Variants in ELP4 observed in about 807,000 individuals in gnomAD.
ELP4 encodes elongator acetyltransferase complex subunit 4.
ELP4 carries 51 observed loss-of-function variants against 48.9 expected under a neutral mutation model. The ratio of observed to expected loss-of-function variants is 1.04; its 90% CI spans 0.83 to 1.32. The LOEUF is 1.32. Among genes scored for constraint, ELP4 ranks in the 40% most tolerant of loss-of-function variants. The probability of loss-of-function intolerance (pLI) is 0.00; values close to 1 mark genes in which losing one functional copy is unlikely to be tolerated. For missense variants in ELP4, 519 were observed against 514.6 expected (o/e 1.01, Z -0.08); for synonymous variants, 210 against 189.2 (o/e 1.11, Z -0.90).
At chr11:31,706,885 C>T in intron 9 of ELP4, 1 of 395,094 alleles carries the variant, frequency 2.5e-6, no homozygotes, top group Non-Finnish European at 4.5e-6. Context: ...CCTCCAGTTC[C>T]ATCCACATTG....
chr11:31,772,431 CT>C (rs200118102), intron 9 of ELP4, among the ~76,000 whole-genome samples: 2 of 152,040 alleles, frequency 1.3e-5, no homozygotes, highest in Admixed American at 6.6e-5. Flanking sequence ...AAATTATCTT[CT>C]TTTTTTTGTT....
intron 3 of ELP4, among the ~76,000 whole-genome samples, chr11:31,563,254 T>A (rs2133945105): frequency 6.6e-6 from 1 of 152,266 alleles, no homozygotes; most frequent in African/African-American, 2.4e-5. Flanking sequence ...AGGAGTATGA[T>A]GCCCATAGTT....
At chr11:31,779,649 T>C (rs1476555884) in intron 9 of ELP4, 1 of 152,202 alleles carries the variant, frequency 6.6e-6, no homozygotes, top group African/African-American at 2.4e-5. Flanking sequence ...AAGGGTGCCT[T>C]TTGGCAGGAG....
chr11:31,589,465 C>T (rs1957534035), intron 3 of ELP4, among the ~76,000 whole-genome samples: 1 of 152,034 alleles, frequency 6.6e-6, no homozygotes, highest in African/African-American at 2.4e-5. Flanking sequence ...CATCTAGTGC[C>T]TCTTTTATGT....
At chr11:31,777,962 A>G (rs7125204) in intron 9 of ELP4, among the ~76,000 whole-genome samples, 45,437 of 152,118 alleles carry the variant, frequency 0.3, 6,972 homozygotes, top group South Asian at 0.47. Context: ...AGATGAGTAT[A>G]TCATCCTGCA....
chr11:31,579,545 C>T (rs1022919795), intron 3 of ELP4, among the ~76,000 whole-genome samples: 2 of 152,044 alleles, frequency 1.3e-5, no homozygotes, highest in African/African-American at 4.8e-5. Flanking sequence ...CAGATGTCCA[C>T]CAATGATAGA....
intron 9 of ELP4, among the ~76,000 whole-genome samples, chr11:31,758,722 A>G (rs1466199247): frequency 6.7e-6 from 1 of 149,540 alleles, no homozygotes; most frequent in Non-Finnish European, 1.5e-5. Flanking sequence ...GCTTGAGTAC[A>G]GTGGTGCAGT....
chr11:31,658,753 A>G (rs1384576922), intron 9 of ELP4, among the ~76,000 whole-genome samples: 3 of 151,982 alleles, frequency 2.0e-5, no homozygotes, highest in Admixed American at 6.6e-5. Context: ...CGGAGCATCA[A>G]AAATTATCCT....
At chr11:31,574,539 G>A (rs893778476) in intron 3 of ELP4, among the ~76,000 whole-genome samples, 1 of 152,182 alleles carries the variant, frequency 6.6e-6, no homozygotes, top group African/African-American at 2.4e-5. Context: ...CTCCCAGTAG[G>A]GGCTGACTGA....
intron 9 of ELP4, among the ~76,000 whole-genome samples, chr11:31,777,961 T>C (rs1327812924): frequency 1.3e-5 from 2 of 152,194 alleles, no homozygotes; most frequent in Non-Finnish European, 2.9e-5. Context: ...GAGATGAGTA[T>C]ATCATCCTGC....
At chr11:31,539,569 A>G in intron 2 of ELP4, 93 bp from the exon 3 acceptor site, 3 of 1,337,492 alleles carry the variant, frequency 2.2e-6, no homozygotes, top group South Asian at 3.3e-5. Flanking sequence ...TAAGGAAAAA[A>G]AATATAAAAA....
chr11:31,645,442 C>T (rs1285889887), intron 7 of ELP4, among the ~76,000 whole-genome samples: 1 of 151,616 alleles, frequency 6.6e-6, no homozygotes, highest in African/African-American at 2.4e-5. Context: ...GTCAGGTTGA[C>T]CATTTAAATA....
intron 9 of ELP4, among the ~76,000 whole-genome samples, chr11:31,712,874 T>A (rs1037377233): frequency 1.3e-5 from 2 of 152,198 alleles, no homozygotes; most frequent in Non-Finnish European, 2.9e-5. Flanking sequence ...ATTGTCAGGA[T>A]GCCATATGAT....
At chr11:31,763,419 A>C in intron 9 of ELP4, 1 of 1,607,634 alleles carries the variant, frequency 6.2e-7, no homozygotes, top group Non-Finnish European at 8.5e-7. Flanking sequence ...AGTGGGTGCA[A>C]GACAACTACT....
At chr11:31,683,841 T>A (rs1203507156) in intron 9 of ELP4, among the ~76,000 whole-genome samples, 3 of 152,166 alleles carry the variant, frequency 2.0e-5, no homozygotes, top group Non-Finnish European at 2.9e-5. Context: ...GATCACTTAT[T>A]AGATACTAAG....
intron 2 of ELP4, among the ~76,000 whole-genome samples, chr11:31,528,243 A>G (rs898121457): frequency 1.1e-4 from 16 of 152,152 alleles, no homozygotes; most frequent in South Asian, 2.1e-4. Flanking sequence ...CATGGGAGCC[A>G]TGTAGGAGCA....
At chr11:31,536,252 T>C (rs1423806541) in intron 2 of ELP4, among the ~76,000 whole-genome samples, 1 of 152,196 alleles carries the variant, frequency 6.6e-6, no homozygotes, top group Non-Finnish European at 1.5e-5. Flanking sequence ...AGACATATAT[T>C]TTCAACTCTC....
chr11:31,736,355 C>A (rs1429696307), intron 9 of ELP4, among the ~76,000 whole-genome samples: 1 of 152,116 alleles, frequency 6.6e-6, no homozygotes, highest in African/African-American at 2.4e-5. Flanking sequence ...ACATGGTAGA[C>A]CTAAAACCAT....
At chr11:31,735,004 G>C (rs1947276222) in intron 9 of ELP4, among the ~76,000 whole-genome samples, 1 of 151,990 alleles carries the variant, frequency 6.6e-6, no homozygotes, top group East Asian at 1.9e-4. Flanking sequence ...CTGGCATAAA[G>C]ACATACATAT....
Sources: allele counts gnomAD v4.1 joint callset (sites outside exome capture counted in the v4.1 genomes callset), GRCh38; gene constraint gnomAD v4.1.1; transcripts MANE v1.5; gene names NCBI Gene and HGNC (gene_info 2026-07-23, HGNC 2026-07-21).